The following CACNA2D3 variants were observed in gnomAD, a reference collection of about 807,000 sequenced individuals.
CACNA2D3 encodes voltage-dependent calcium channel subunit alpha-2/delta-3.
Under a neutral mutation model 160.6 loss-of-function variants are expected in CACNA2D3, and 60 were observed. The ratio of observed to expected loss-of-function variants is 0.37; its 90% CI spans 0.30 to 0.46. The LOEUF is 0.46. CACNA2D3 is among the 20% of genes least tolerant of loss of function. The pLI, the probability that CACNA2D3 is intolerant of heterozygous loss-of-function variation, is 1.00. For missense variants in CACNA2D3, 1,205 were observed against 1,365.0 expected, an observed-to-expected ratio of 0.88 and a Z score of 1.85; for synonymous variants, 558 against 492.9, an observed-to-expected ratio of 1.13 and a Z score of -1.75.
At chr3:54,137,610 C>T (rs1024307094) in intron 2 of CACNA2D3, among the ~76,000 whole-genome samples, 9 of 152,170 alleles carry the variant, frequency 5.9e-5, no homozygotes. Flanking sequence ...GTAAAGAATA[C>T]ATGTTACATT....
At chr3:54,945,318 G>C (rs1701584937) in intron 27 of CACNA2D3, among the ~76,000 whole-genome samples, 1 of 152,208 alleles carries the variant, frequency 6.6e-6, no homozygotes, top group African/African-American at 2.4e-5. Flanking sequence ...GAATTGCCAG[G>C]GGATCTGGCT....
chr3:54,459,102 A>C (rs1700452277), intron 4 of CACNA2D3, among the ~76,000 whole-genome samples: 1 of 152,040 alleles, frequency 6.6e-6, no homozygotes, highest in South Asian at 2.1e-4. Context: ...GGACATGAAC[A>C]CATCATTTTT....
chr3:54,461,624 C>A (rs190124692), intron 4 of CACNA2D3, among the ~76,000 whole-genome samples: 1 of 151,642 alleles, frequency 6.6e-6, no homozygotes, highest in Non-Finnish European at 1.5e-5. Flanking sequence ...GTGGTGATAT[C>A]CCCTTTATCG....
At chr3:54,934,392 G>A (rs1292858972) in intron 27 of CACNA2D3, among the ~76,000 whole-genome samples, 1 of 132,554 alleles carries the variant, frequency 7.5e-6, no homozygotes, top group Non-Finnish European at 1.6e-5. Flanking sequence ...TGGGGAGGTT[G>A]TGTTCATCTC....
chr3:55,055,026 C>T (rs534444774), intron 35 of CACNA2D3, among the ~76,000 whole-genome samples: 1 of 152,140 alleles, frequency 6.6e-6, no homozygotes, highest in East Asian at 1.9e-4. Context: ...ACAGGTGTTA[C>T]ATTTCTGGAT....
At chr3:54,391,890 T>C (rs891437069) in intron 4 of CACNA2D3, among the ~76,000 whole-genome samples, 9 of 152,220 alleles carry the variant, frequency 5.9e-5, no homozygotes, top group Non-Finnish European at 1.0e-4. Flanking sequence ...CTGTGGGTTC[T>C]AGATTGGCCT....
chr3:55,037,458 T>G lies in CACNA2D3; in HGVS notation c.2987+19141T>G, dbSNP rs188929859. 1.4e-3 allele frequency among the ~76,000 whole-genome samples: 214 copies of G among 152,282 alleles called. No individual in the cohort carries two copies. In the Middle Eastern group the frequency reaches 0.02, roughly 15 times the overall value. ...ACTCCCTCAGACATCAGTGGCACTT[T>G]TGAGAGGAGGAATTTCAGAACTTGT... On this transcript the variant is annotated intron_variant, in intron 35 of 37. Transcript: ENST00000474759.
chr3:54,835,831 CTG>C (rs1301463626), intron 14 of CACNA2D3, among the ~76,000 whole-genome samples: 2 of 152,178 alleles, frequency 1.3e-5, no homozygotes, highest in African/African-American at 2.4e-5. Flanking sequence ...TACTTACTAG[CTG>C]TGTGACCTCG....
At chr3:54,400,165 C>A (rs917660935) in intron 4 of CACNA2D3, among the ~76,000 whole-genome samples, 16 of 146,390 alleles carry the variant, frequency 1.1e-4, no homozygotes, top group East Asian at 1.0e-3. Flanking sequence ...GGCTCGCGCA[C>A]GGTGCGCACA....
intron 11 of CACNA2D3, among the ~76,000 whole-genome samples, chr3:54,679,718 G>A (rs1220572219): frequency 6.6e-6 from 1 of 152,200 alleles, no homozygotes; most frequent in Non-Finnish European, 1.5e-5. Context: ...CTTCGCAGTG[G>A]GTTCAAGGTC....
chr3:54,501,070 A>T (rs1375561763), intron 4 of CACNA2D3, among the ~76,000 whole-genome samples: 1 of 152,148 alleles, frequency 6.6e-6, no homozygotes, highest in African/African-American at 2.4e-5. Flanking sequence ...GATAGAATGG[A>T]AAAAGGGACA....
intron 17 of CACNA2D3, among the ~76,000 whole-genome samples, chr3:54,853,027 CA>C (rs1699093734): frequency 6.6e-6 from 1 of 152,186 alleles, no homozygotes; most frequent in African/African-American, 2.4e-5. Context: ...TCAGAAACCG[CA>C]AGCTCCTTCC....
chr3:54,463,037 C>G (rs11927307), intron 4 of CACNA2D3, among the ~76,000 whole-genome samples: 13,358 of 151,640 alleles, frequency 0.088, 788 homozygotes, highest in Middle Eastern at 0.14. Flanking sequence ...ACTTCTGAAG[C>G]TTAGTTTGGC....
intron 11 of CACNA2D3, among the ~76,000 whole-genome samples, chr3:54,730,785 G>A (rs190169093): frequency 2.0e-5 from 3 of 152,196 alleles, no homozygotes; most frequent in African/African-American, 7.2e-5. Flanking sequence ...TTACAGGAGT[G>A]AGCCACTGTG....
chr3:54,809,329 T>TTTTTTTC (rs71619812), intron 13 of CACNA2D3, among the ~76,000 whole-genome samples: 17 of 123,920 alleles, frequency 1.4e-4, no homozygotes, highest in African/African-American at 6.0e-4. Flanking sequence ...TTTTTTTTTT[T>TTTTTTTC]GAGACGGAGT....
At chr3:54,150,725 A>G (rs542077111) in intron 2 of CACNA2D3, among the ~76,000 whole-genome samples, 1 of 152,376 alleles carries the variant, frequency 6.6e-6, no homozygotes, top group African/African-American at 2.4e-5. Context: ...CTAGAGAGGA[A>G]TAAACAAAAT....
chr3:54,643,490 G>A (rs1362463752), intron 11 of CACNA2D3, among the ~76,000 whole-genome samples: 1 of 152,084 alleles, frequency 6.6e-6, no homozygotes, highest in Non-Finnish European at 1.5e-5. Flanking sequence ...AGCTGGCGGT[G>A]CTGAGCTGAC....
intron 13 of CACNA2D3, among the ~76,000 whole-genome samples, chr3:54,777,455 C>T (rs1424463582): frequency 1.3e-5 from 2 of 152,320 alleles, no homozygotes; most frequent in East Asian, 1.9e-4. Context: ...GGAGAAATTT[C>T]TCTCTTGTTC....
chr3:54,313,079 A>G (rs945198976), intron 2 of CACNA2D3, among the ~76,000 whole-genome samples: 1 of 152,102 alleles, frequency 6.6e-6, no homozygotes, highest in Non-Finnish European at 1.5e-5. Context: ...GGGGTGGTTC[A>G]TTATGTGCAG....
Sources: allele counts gnomAD v4.1 joint callset (sites outside exome capture counted in the v4.1 genomes callset), GRCh38; gene constraint gnomAD v4.1.1; transcripts MANE v1.5; gene names NCBI Gene and HGNC (gene_info 2026-07-23, HGNC 2026-07-21).